PSD3: variants seen among roughly 807,000 people sequenced by gnomAD.
The protein encoded by PSD3 is PH and SEC7 domain-containing protein 3.
PSD3 carries 49 observed loss-of-function variants against 105.5 expected under a neutral mutation model. That is an observed-to-expected ratio of 0.46 (90% CI 0.37 to 0.59). The LOEUF (loss-of-function observed/expected upper bound fraction) is 0.59. PSD3 is among the 20% of genes least tolerant of loss of function. The probability of loss-of-function intolerance (pLI) is 0.00; values close to 1 mark genes in which losing one functional copy is unlikely to be tolerated. For synonymous variants in PSD3, 557 were observed against 457.8 expected, an observed-to-expected ratio of 1.22 and a Z score of -2.77; for missense variants, 1,561 against 1,263.8, an observed-to-expected ratio of 1.24 and a Z score of -3.57.
chr8:19,027,685 T>C (rs1344936807), intron 1 of PSD3, among the ~76,000 whole-genome samples: 2 of 152,218 alleles, frequency 1.3e-5, no homozygotes, highest in African/African-American at 4.8e-5. Flanking sequence ...TCTGTATTAA[T>C]AGATTCCTAT....
chr8:18,827,171 A>C (rs1456588818), intron 4 of PSD3, among the ~76,000 whole-genome samples: 1 of 152,238 alleles, frequency 6.6e-6, no homozygotes, highest in East Asian at 1.9e-4. Flanking sequence ...TTCATAGTCT[A>C]GAGAGTGAAC....
chr8:18,680,395 T>C (rs1444077488), intron 9 of PSD3, among the ~76,000 whole-genome samples: 15 of 152,182 alleles, frequency 9.9e-5, no homozygotes, highest in Non-Finnish European at 1.8e-4. Flanking sequence ...ATGTTACTTC[T>C]GTCAAAGGCA....
At chr8:18,660,686 C>G (rs1477399550) in intron 9 of PSD3, among the ~76,000 whole-genome samples, 1 of 152,190 alleles carries the variant, frequency 6.6e-6, no homozygotes, top group Admixed American at 6.5e-5. Flanking sequence ...GACGAGGAAA[C>G]TGCATGAATA....
chr8:18,798,160 G>C (rs989026679), intron 8 of PSD3, among the ~76,000 whole-genome samples: 1 of 152,072 alleles, frequency 6.6e-6, no homozygotes, highest in Non-Finnish European at 1.5e-5. Context: ...ATTTCCACAT[G>C]GTGTATTAGC....
At chr8:18,622,921 G>A (rs750973591) in intron 11 of PSD3, among the ~76,000 whole-genome samples, 2 of 152,058 alleles carry the variant, frequency 1.3e-5, no homozygotes, top group Non-Finnish European at 2.9e-5. Flanking sequence ...ATTTTAATGT[G>A]TACCACAATT....
At chr8:19,054,606 A>C (rs748415730) in intron 1 of PSD3, among the ~76,000 whole-genome samples, 3 of 152,216 alleles carry the variant, frequency 2.0e-5, no homozygotes, top group Non-Finnish European at 4.4e-5. Context: ...AAAATGCAGT[A>C]AAGAATCTAC....
chr8:18,966,746 C>T (rs561674821), intron 1 of PSD3, among the ~76,000 whole-genome samples: 9 of 152,188 alleles, frequency 5.9e-5, no homozygotes, highest in Admixed American at 5.9e-4. Context: ...GACCAACGGG[C>T]ACATCTTCTT....
At chr8:18,926,373 T>G (rs1821362497) in intron 2 of PSD3, among the ~76,000 whole-genome samples, 1 of 151,778 alleles carries the variant, frequency 6.6e-6, no homozygotes, top group African/African-American at 2.4e-5. Flanking sequence ...ATGTTTAGAC[T>G]TGGGTGTCAT....
chr8:18,655,566 T>A, intron 10 of PSD3, 76 bp downstream of exon 10: 1 of 1,334,092 alleles, frequency 7.5e-7, no homozygotes, highest in Non-Finnish European at 1.1e-6. Context: ...TTCTCTAAGA[T>A]CACTTCCAAG....
At chr8:18,570,600 T>G (rs996759268) in intron 14 of PSD3, among the ~76,000 whole-genome samples, 2 of 147,186 alleles carry the variant, frequency 1.4e-5, no homozygotes, top group Non-Finnish European at 3.0e-5. Context: ...ATCCAGAATC[T>G]ACAATGAATT....
intron 9 of PSD3, among the ~76,000 whole-genome samples, chr8:18,725,966 G>A (rs192607436): frequency 6.6e-6 from 1 of 152,320 alleles, no homozygotes; most frequent in Admixed American, 6.5e-5. Context: ...CACCCACTGA[G>A]AGTGCTGTTC....
intron 1 of PSD3, among the ~76,000 whole-genome samples, chr8:19,072,718 C>T (rs1052143240): frequency 2.6e-5 from 4 of 152,128 alleles, no homozygotes; most frequent in Non-Finnish European, 5.9e-5. Context: ...AGCCAAAATT[C>T]GGGTGGATGG....
intron 12 of PSD3, among the ~76,000 whole-genome samples, chr8:18,582,805 G>A (rs1418958001): frequency 7.0e-6 from 1 of 143,814 alleles, no homozygotes; most frequent in African/African-American, 2.6e-5. Context: ...CCAACCTGCA[G>A]CCACACTGAT....
At chr8:19,052,784 G>A (rs536851802) in intron 1 of PSD3, among the ~76,000 whole-genome samples, 55 of 108,436 alleles carry the variant, frequency 5.1e-4, no homozygotes, top group Admixed American at 2.6e-3. Context: ...CCCCTAAGCT[G>A]TGGGTGGGTG....
chr8:18,739,174 C>G (rs1804374895), intron 9 of PSD3, among the ~76,000 whole-genome samples: 1 of 151,928 alleles, frequency 6.6e-6, no homozygotes, highest in African/African-American at 2.4e-5. Context: ...TATTAACCAA[C>G]CAAAAATTAA....
chr8:18,545,007 A>G (rs1044640474), intron 15 of PSD3, among the ~76,000 whole-genome samples: 2 of 152,194 alleles, frequency 1.3e-5, no homozygotes, highest in African/African-American at 4.8e-5. Flanking sequence ...ACCTTTGAAT[A>G]ACAACACTGT....
intron 2 of PSD3, among the ~76,000 whole-genome samples, chr8:18,910,068 C>T (rs971332607): frequency 2.0e-5 from 3 of 152,282 alleles, no homozygotes; most frequent in Non-Finnish European, 4.4e-5. Flanking sequence ...CCTGAATGCC[C>T]TGTCATTGGC....
chr8:18,588,505 G>C (rs1476167164), intron 12 of PSD3, among the ~76,000 whole-genome samples: 1 of 152,154 alleles, frequency 6.6e-6, no homozygotes, highest in East Asian at 1.9e-4. Context: ...AGCTATGCTA[G>C]CATTCTTATG....
chr8:18,649,126 A>T (rs914756670), intron 10 of PSD3, among the ~76,000 whole-genome samples: 1 of 152,198 alleles, frequency 6.6e-6, no homozygotes, highest in Non-Finnish European at 1.5e-5. Flanking sequence ...GAGCTGTGAG[A>T]AGAGGGCTAC....
Sources: allele counts gnomAD v4.1 joint callset (sites outside exome capture counted in the v4.1 genomes callset), GRCh38; gene constraint gnomAD v4.1.1; transcripts MANE v1.5; gene names NCBI Gene and HGNC (gene_info 2026-07-23, HGNC 2026-07-21).